NDEL1: variants seen among roughly 807,000 people sequenced by gnomAD.
NDEL1 encodes the protein nuclear distribution protein nudE-like 1.
Under a neutral mutation model 45.7 loss-of-function variants are expected in NDEL1, and 9 were observed. The observed-to-expected ratio is 0.20, with a 90% CI of 0.12 to 0.34. The LOEUF is 0.34. Ranked by LOEUF, NDEL1 falls within the 10% of genes least tolerant of loss-of-function variation. NDEL1 has a pLI of 1.00. For missense variants in NDEL1, 306 were observed against 406.2 expected (o/e 0.75, Z 2.12); for synonymous variants, 133 against 158.6 (o/e 0.84, Z 1.21).
At chr17:8,451,085 A>C in intron 6 of NDEL1, 132 bp downstream of exon 6, 1 of 705,394 alleles carries the variant, frequency 1.4e-6, no homozygotes, top group Non-Finnish European at 2.1e-6. Flanking sequence ...TGCTATGTGA[A>C]ATAGAAGAAG....
intron 6 of NDEL1, among the ~76,000 whole-genome samples, chr17:8,453,813 CAA>C (rs1440335769): frequency 6.6e-6 from 1 of 152,124 alleles, no homozygotes; most frequent in Non-Finnish European, 1.5e-5. Context: ...GGGCTAATAA[CAA>C]GAGGGATCTT....
chr17:8,446,654 A>G (rs1910097215), intron 3 of NDEL1, 100 bp from the exon 4 acceptor site: 8 of 1,161,176 alleles, frequency 6.9e-6, no homozygotes, highest in Admixed American at 2.7e-5. Flanking sequence ...AGTGTGGGTA[A>G]ATTCCTTGGG....
intron 8 of NDEL1, chr17:8,466,602 G>T (rs182812406): frequency 4.4e-5 from 12 of 272,986 alleles, no homozygotes; most frequent in Non-Finnish European, 7.5e-5. Flanking sequence ...TTATTGTTCA[G>T]TTGTACCATT....
At chr17:8,458,355 C>T (rs1910982307) in intron 7 of NDEL1, among the ~76,000 whole-genome samples, 1 of 152,100 alleles carries the variant, frequency 6.6e-6, no homozygotes, top group Non-Finnish European at 1.5e-5. Flanking sequence ...GTTTCATCCA[C>T]CCCTGGGTGT....
At chr17:8,464,982 G>A (rs1911479840) in intron 8 of NDEL1, 1 of 152,298 alleles carries the variant, frequency 6.6e-6, no homozygotes. Flanking sequence ...CGTGGCCCAG[G>A]TGCCAGATTC....
At chr17:8,464,575 C>A (rs56383130) in intron 8 of NDEL1, 2,819 of 152,260 alleles carry the variant, frequency 0.019, 30 homozygotes, top group Non-Finnish European at 0.032. Flanking sequence ...TCTACTCCAC[C>A]CACCTTCACA....
downstream of NDEL1, among the ~76,000 whole-genome samples, chr17:8,472,828 C>T (rs1020424350): frequency 2.0e-5 from 3 of 152,202 alleles, no homozygotes; most frequent in Non-Finnish European, 2.9e-5. Flanking sequence ...TGCCTCATGT[C>T]GTCTAGACCC....
chr17:8,444,322 T>C lies in NDEL1; in HGVS notation c.51T>C (p.Ala17=). Residue 17 remains alanine (A), a synonymous_variant, in exon 2 of 9, where the codon GCT becomes GCC. Coordinates refer to ENST00000334527, the MANE Select transcript of NDEL1 (RefSeq NM_030808.5). ...TTTCAAGTTTAAAGGAGGAAACTGC[T>C]TATTGGAAGGAACTTTCCTTGAAGT... ...PDFSSLKEET[A]YWKELSLKYK... is the part of the protein sequence containing the mutation. 1 of 1,613,466 alleles carries C rather than the reference T, an allele frequency of 6.2e-7. No homozygotes were observed. Among genetic ancestry groups the C allele is most frequent in the Non-Finnish European group, 8.5e-7 (1 of 1,179,572 alleles).
chr17:8,447,629 A>T (rs1286599967), intron 4 of NDEL1, among the ~76,000 whole-genome samples: 2 of 152,096 alleles, frequency 1.3e-5, no homozygotes, highest in East Asian at 3.8e-4. Context: ...CTGACTGATG[A>T]ATTTTCTTAA....
intron 8 of NDEL1, among the ~76,000 whole-genome samples, chr17:8,463,613 A>G (rs561157969): frequency 3.9e-5 from 6 of 152,302 alleles, no homozygotes; most frequent in African/African-American, 1.4e-4. Context: ...CACGCCTGAG[A>G]TGGGCTAGGG....
intron 8 of NDEL1, among the ~76,000 whole-genome samples, chr17:8,461,832 G>A (rs972331510): frequency 1.3e-5 from 2 of 152,064 alleles, no homozygotes; most frequent in East Asian, 1.9e-4. Context: ...CCTTGGAATC[G>A]TATTTCTTGA....
intron 1 of NDEL1, among the ~76,000 whole-genome samples, chr17:8,421,611 T>C (rs1908710092): frequency 6.6e-6 from 1 of 152,192 alleles, no homozygotes; most frequent in South Asian, 2.1e-4. Flanking sequence ...TAGACACTAC[T>C]GACCTTCAGA....
chr17:8,469,272 G>C (rs1284451750), downstream of NDEL1, among the ~76,000 whole-genome samples: 2 of 152,160 alleles, frequency 1.3e-5, no homozygotes, highest in Non-Finnish European at 2.9e-5. Flanking sequence ...TTAGATGAGA[G>C]GTTTCAGCAT....
intron 1 of NDEL1, among the ~76,000 whole-genome samples, chr17:8,413,765 G>C (rs375771866): frequency 2.0e-5 from 3 of 152,308 alleles, no homozygotes; most frequent in African/African-American, 7.2e-5. Context: ...CAAAATGTAA[G>C]ACATCTCTAT....
At chr17:8,449,781 T>G (rs1310135319) in intron 5 of NDEL1, among the ~76,000 whole-genome samples, 1 of 152,232 alleles carries the variant, frequency 6.6e-6, no homozygotes, top group Non-Finnish European at 1.5e-5. Context: ...TGTTCATCTG[T>G]GGATGGACAT....
chr17:8,463,268 G>A (rs1451446520), intron 8 of NDEL1: 8 of 1,491,220 alleles, frequency 5.4e-6, no homozygotes, highest in East Asian at 2.3e-5. Context: ...AGGGCGTGAT[G>A]TGGAAATAGT....
chr17:8,455,533 C>G (rs1026861439), intron 7 of NDEL1, among the ~76,000 whole-genome samples: 1 of 151,866 alleles, frequency 6.6e-6, no homozygotes, highest in African/African-American at 2.4e-5. Context: ...ACTAAAAATA[C>G]AAAAATTAGT....
intron 8 of NDEL1, among the ~76,000 whole-genome samples, chr17:8,463,851 C>A (rs924194801): frequency 6.6e-6 from 1 of 152,234 alleles, no homozygotes; most frequent in Non-Finnish European, 1.5e-5. Context: ...ATCTGCCTTA[C>A]ATTTCAGAAC....
intron 7 of NDEL1, among the ~76,000 whole-genome samples, chr17:8,458,289 A>T (rs1318493677): frequency 6.7e-6 from 1 of 149,580 alleles, no homozygotes; most frequent in Non-Finnish European, 1.5e-5. Context: ...CACCCTTTCG[A>T]TATTGGTTTT....
Sources: gnomAD v4.1 joint callset for allele counts (sites outside exome capture counted in the v4.1 genomes callset) on GRCh38, gnomAD v4.1.1 for gene constraint, MANE v1.5 for transcripts, NCBI Gene and HGNC (gene_info 2026-07-23, HGNC 2026-07-21) for gene names.